The following NOVA1 variants were observed in gnomAD, a reference collection of about 807,000 sequenced individuals.
NOVA1 encodes NOVA alternative splicing regulator 1.
A neutral mutation model predicts 38.0 loss-of-function variants in NOVA1; 7 were observed. That is an observed-to-expected ratio of 0.18 (90% CI 0.10 to 0.35). NOVA1 has a LOEUF of 0.35. Ranked by LOEUF, NOVA1 falls within the 10% of genes least tolerant of loss-of-function variation. The pLI is 1.00. For synonymous variants in NOVA1, 270 were observed against 232.5 expected (o/e 1.16, Z -1.47); for missense variants, 460 against 616.0 (o/e 0.75, Z 2.68).
chr14:26,471,061 G>C (rs945423134), intron 4 of NOVA1, among the ~76,000 whole-genome samples: 1 of 148,268 alleles, frequency 6.7e-6, no homozygotes, highest in Non-Finnish European at 1.5e-5. Flanking sequence ...CCTTCAAAGA[G>C]AAGTGTTGGG....
intron 2 of NOVA1, among the ~76,000 whole-genome samples, chr14:26,533,562 T>A (rs992100642): frequency 2.0e-5 from 3 of 152,230 alleles, no homozygotes; most frequent in African/African-American, 7.2e-5. Flanking sequence ...GCTGTAATGA[T>A]CTACTTGTAA....
In NOVA1 at chr14:26,445,614, T is replaced by G. The variant is rs1482433561; in HGVS notation, c.*2345A>C. The stretch of plus-strand genomic sequence containing the variant: ...GAAATGCATGGGCTCCACAGTGGAC[T>G]ACTGGAATTTTGAAATAAAAGATCG... On this transcript the variant is annotated 3_prime_UTR_variant, in exon 5 of 5. Transcript: ENST00000539517. The G allele has an allele frequency of 6.6e-6, 1 of 152,164 alleles. No homozygotes were observed. The highest frequency in any genetic ancestry group is 2.4e-5 in the African/African-American group (1 of 41,452). 9.4% of individuals were successfully genotyped at this position (152,164 alleles called of 1,614,324 possible). A position where few individuals can be genotyped will look rare whatever the true frequency, so the allele number is the denominator to read the frequency against.
intron 2 of NOVA1, among the ~76,000 whole-genome samples, chr14:26,552,934 C>A (rs1005488398): frequency 6.6e-6 from 1 of 152,100 alleles, no homozygotes; most frequent in African/African-American, 2.4e-5. Flanking sequence ...TAGGAACATG[C>A]GATCAAAAAC....
intron 2 of NOVA1, among the ~76,000 whole-genome samples, chr14:26,570,610 A>G (rs1203077477): frequency 6.6e-6 from 1 of 152,154 alleles, no homozygotes; most frequent in African/African-American, 2.4e-5. Flanking sequence ...ACATATGTAT[A>G]TGTATACACA....
chr14:26,554,185 A>C (rs1245737295), intron 2 of NOVA1, among the ~76,000 whole-genome samples: 1 of 140,412 alleles, frequency 7.1e-6, no homozygotes, highest in Non-Finnish European at 1.6e-5. Context: ...AAAAAGAAAG[A>C]AGGAAGGAAG....
At position 26,472,404 on chromosome 14, in the gene NOVA1, G is replaced by A. The variant is rs1257908934; in HGVS notation, c.448-13C>T. On this transcript the variant is annotated splice_polypyrimidine_tract_variant and intron_variant, in intron 3 of 4. Transcript: ENST00000539517. ...AAGATGGCAATGTCTGGGAAACAAA[G>A]CAGTTCAGGAGCAAATCAACCTTTA... is the stretch of plus-strand genomic sequence containing the variant. The A allele has an allele frequency of 2.7e-6, 4 of 1,470,032 alleles. No homozygotes were observed. The South Asian group carries it at 4.4e-5, about 16-fold the overall frequency. The allele number at this position is 1,470,032 out of a possible 1,614,324, so 91.1% of individuals were successfully genotyped here.
At chr14:26,458,646 A>T (rs1384057114) in intron 4 of NOVA1, among the ~76,000 whole-genome samples, 2 of 152,080 alleles carry the variant, frequency 1.3e-5, no homozygotes, top group African/African-American at 4.8e-5. Context: ...GATGGCAACA[A>T]TAGACACTGG....
chr14:26,540,229 G>C (rs1296669427), intron 2 of NOVA1, among the ~76,000 whole-genome samples: 1 of 152,150 alleles, frequency 6.6e-6, no homozygotes, highest in African/African-American at 2.4e-5. Flanking sequence ...ATTACCACCT[G>C]AGCTCTGCCT....
intron 4 of NOVA1, among the ~76,000 whole-genome samples, chr14:26,454,122 C>T (rs1022174639): frequency 1.3e-5 from 2 of 151,266 alleles, no homozygotes; most frequent in African/African-American, 4.9e-5. Context: ...TCAAGCTACA[C>T]ATAAAATACA....
intron 2 of NOVA1, among the ~76,000 whole-genome samples, chr14:26,537,298 A>G (rs1890168956): frequency 6.6e-6 from 1 of 151,944 alleles, no homozygotes; most frequent in African/African-American, 2.4e-5. Flanking sequence ...TATAATTTCT[A>G]TGTTATAAAA....
At chr14:26,497,043 A>G (rs1886863835) in intron 2 of NOVA1, among the ~76,000 whole-genome samples, 1 of 152,170 alleles carries the variant, frequency 6.6e-6, no homozygotes, top group South Asian at 2.1e-4. Context: ...AGTCATTGGT[A>G]GCTTGATGGG....
intron 4 of NOVA1, among the ~76,000 whole-genome samples, chr14:26,462,458 G>A (rs916234210): frequency 5.3e-5 from 8 of 150,842 alleles, no homozygotes; most frequent in African/African-American, 1.2e-4. Flanking sequence ...TTCAAGAGGC[G>A]TCATGAAATA....
intron 2 of NOVA1, among the ~76,000 whole-genome samples, chr14:26,580,353 G>A (rs1893134071): frequency 6.6e-6 from 1 of 152,054 alleles, no homozygotes; most frequent in Admixed American, 6.6e-5. Flanking sequence ...GGCTAATTAA[G>A]TTAATTTTAA....
rs1033645384 is a variant in NOVA1, at chr14:26,584,110, A to G, written c.280+11300T>C. On this transcript the variant is annotated intron_variant, in intron 2 of 4. Transcript: ENST00000539517. ...AGATCTTCCCCACATATAGCAAAAC[A>G]TTCTTCATAGAAATCTGTCATTCAC... Among the ~76,000 whole-genome samples the G allele has an allele frequency of 4.6e-5, 7 of 151,508 alleles. No individual in the cohort carries two copies. In the Admixed American group the frequency reaches 4.6e-4, roughly 10 times the overall value.
chr14:26,575,965 A>C (rs1014915366), intron 2 of NOVA1, among the ~76,000 whole-genome samples: 1 of 152,000 alleles, frequency 6.6e-6, no homozygotes, highest in Non-Finnish European at 1.5e-5. Context: ...ATGGAGACTA[A>C]AATGAGGAAA....
intron 3 of NOVA1, among the ~76,000 whole-genome samples, chr14:26,478,733 C>T (rs1885195043): frequency 6.6e-6 from 1 of 151,908 alleles, no homozygotes; most frequent in Non-Finnish European, 1.5e-5. Flanking sequence ...CCCATGTATA[C>T]ATTAAGGGAT....
chr14:26,535,543 T>C (rs894654683), intron 2 of NOVA1, among the ~76,000 whole-genome samples: 2 of 152,128 alleles, frequency 1.3e-5, no homozygotes, highest in Non-Finnish European at 2.9e-5. Flanking sequence ...CCAGAATAAA[T>C]AGCCCTTTCT....
intron 2 of NOVA1, among the ~76,000 whole-genome samples, chr14:26,486,696 C>CAAAAAAAAA (rs59078775): frequency 6.9e-4 from 16 of 23,094 alleles, no homozygotes; most frequent in Non-Finnish European, 9.8e-4. Flanking sequence ...GTGACAGACT[C>CAAAAAAAAA]AAAAAAAAAA....
intron 2 of NOVA1, among the ~76,000 whole-genome samples, chr14:26,565,831 G>T (rs1247136274): frequency 1.3e-5 from 2 of 152,018 alleles, no homozygotes; most frequent in African/African-American, 2.4e-5. Context: ...AAAGAAAAAA[G>T]CAAGAGAATG....
Sources: allele counts gnomAD v4.1 joint callset (sites outside exome capture counted in the v4.1 genomes callset), GRCh38; gene constraint gnomAD v4.1.1; transcripts MANE v1.5; gene names NCBI Gene and HGNC (gene_info 2026-07-23, HGNC 2026-07-21).